Variants in TSHZ2 observed in about 807,000 individuals in gnomAD.
The protein encoded by TSHZ2 is teashirt zinc finger homeobox 2, also known as teashirt homolog 2.
TSHZ2 carries 21 observed loss-of-function variants against 74.4 expected under a neutral mutation model. That is an observed-to-expected ratio of 0.28 (90% confidence interval 0.20 to 0.41). The LOEUF (loss-of-function observed/expected upper bound fraction) is 0.41, where lower values mean the gene tolerates loss of function less well. Ranked by LOEUF, TSHZ2 falls within the 10% of genes least tolerant of loss-of-function variation. The probability of loss-of-function intolerance (pLI) is 1.00; values close to 1 mark genes in which losing one functional copy is unlikely to be tolerated. For synonymous variants in TSHZ2, 540 were observed against 515.3 expected, an observed-to-expected ratio of 1.05 and a Z score of -0.65; for missense variants, 1,244 against 1,293.5, an observed-to-expected ratio of 0.96 and a Z score of 0.59.
At chr20:53,470,819 A>G in intron 2 of TSHZ2, among the ~76,000 whole-genome samples, 1 of 144,798 alleles carries the variant, frequency 6.9e-6, no homozygotes, top group East Asian at 2.1e-4. Flanking sequence ...TCTCAAAAAA[A>G]ATAAATAAAT....
intron 1 of TSHZ2, among the ~76,000 whole-genome samples, chr20:53,103,376 A>C (rs189837002): frequency 6.6e-6 from 1 of 152,370 alleles, no homozygotes; most frequent in Admixed American, 6.5e-5. Context: ...TGGTATGTTT[A>C]AAGGAGAGTC....
At position 53,409,266 on chromosome 20, in the gene TSHZ2, G is replaced by GA. The variant is rs77521340; in HGVS notation, c.*9-77868dup. Among the ~76,000 whole-genome samples, 239 of 148,676 alleles carry GA rather than the reference G, an allele frequency of 1.6e-3. 1 individual carries two copies. The highest frequency in any genetic ancestry group is 5.2e-3 in the African/African-American group (212 of 40,662). ...TTTTTTTAATTCTAATCTTTCTTCAGAAAAAAAAAATTATCTTTCTAAACA... is the reference window on the plus strand; with the variant it reads ...TTTTTTTAATTCTAATCTTTCTTCAGAAAAAAAAAAATTATCTTTCTAAACA... On this transcript the variant is annotated intron_variant, in intron 2 of 2. Coordinates refer to ENST00000371497, the MANE Select transcript of TSHZ2 (RefSeq NM_173485.6).
chr20:53,416,045 G>A (rs1464512120), intron 2 of TSHZ2, among the ~76,000 whole-genome samples: 1 of 152,206 alleles, frequency 6.6e-6, no homozygotes, highest in African/African-American at 2.4e-5. Context: ...GGGGACTAAC[G>A]CAGTCAGCTC....
At position 53,041,511 on chromosome 20, in the gene TSHZ2, G is replaced by T. The variant is rs181630043; in HGVS notation, c.40+68178G>T. On this transcript the variant is annotated intron_variant, in intron 1 of 2. Transcript: ENST00000371497. Reference sequence around the variant, plus strand: ...AGCCCTGGAGCCAGCCTAGGAGTCAGCCCATGTGACCCTCCAGGACCAACG... The same window carrying T: ...AGCCCTGGAGCCAGCCTAGGAGTCATCCCATGTGACCCTCCAGGACCAACG... Among the ~76,000 whole-genome samples the T allele has an allele frequency of 2.6e-5, 4 of 152,298 alleles. No individual in the cohort carries two copies. In the East Asian group the frequency reaches 7.7e-4, roughly 29 times the overall value.
intron 2 of TSHZ2, among the ~76,000 whole-genome samples, chr20:53,326,093 T>C (rs1267925153): frequency 6.6e-6 from 1 of 152,196 alleles, no homozygotes; most frequent in East Asian, 1.9e-4. Flanking sequence ...AACCTTGGTA[T>C]CTTAAAGCAA....
Position 53,256,144 on chromosome 20 carries a change from A to G in TSHZ2, c.2686A>G (p.Ile896Val). The G allele has an allele frequency of 6.2e-7, 1 of 1,613,790 alleles. No homozygotes were observed. Among genetic ancestry groups the G allele is most frequent in the South Asian group, 1.1e-5 (1 of 91,038 alleles). ...SKFTGLSMTTISHWLANVKYQ... is the reference protein window; with the variant it reads ...SKFTGLSMTTVSHWLANVKYQ... The stretch of plus-strand genomic sequence containing the variant: ...GTTTACGGGACTCTCAATGACCACT[A>G]TCAGTCACTGGCTGGCCAACGTCAA... Residue 896 changes from isoleucine to valine, a missense_variant, in exon 2 of 3, where the codon ATC becomes GTC. Physicochemically the swap from Ile to Val is conservative, Grantham distance 29. Coordinates refer to ENST00000371497, the MANE Select transcript of TSHZ2 (RefSeq NM_173485.6). The surrounding 1 kb of genome is among the most constrained non-coding windows in gnomAD (Gnocchi z 4.3).
In TSHZ2 at chr20:53,295,207, T is replaced by C. The variant is rs572799884; in HGVS notation, c.*8+38636T>C. Among the ~76,000 whole-genome samples, 13 of 152,318 alleles carry C rather than the reference T, an allele frequency of 8.5e-5. No homozygotes were observed. In the South Asian group the frequency reaches 2.5e-3, roughly 29 times the overall value. On this transcript the variant is annotated intron_variant, in intron 2 of 2. Coordinates refer to ENST00000371497, the MANE Select transcript of TSHZ2 (RefSeq NM_173485.6). Reference sequence around the variant, plus strand: ...TTCCATTTGCAGGCAAAGCCAGACCTCCTGGTTGCAGGATAGCACAGTTAT... The same window carrying C: ...TTCCATTTGCAGGCAAAGCCAGACCCCCTGGTTGCAGGATAGCACAGTTAT...
intron 1 of TSHZ2, among the ~76,000 whole-genome samples, chr20:53,236,958 G>T (rs182135410): frequency 1.3e-5 from 2 of 152,150 alleles, no homozygotes; most frequent in East Asian, 3.9e-4. Flanking sequence ...TAACACGTAG[G>T]GCTTACAATT....
In TSHZ2 at chr20:53,401,768, C is replaced by T. The variant is rs1033432719; in HGVS notation, c.*9-85376C>T. On this transcript the variant is annotated intron_variant, in intron 2 of 2. Coordinates refer to ENST00000371497, the MANE Select transcript of TSHZ2 (RefSeq NM_173485.6). ...AGTATTCCATGGTATATATACAACA[C>T]ATTTTCTTTTTTTTTTTTTTTTTTT... is the stretch of plus-strand genomic sequence containing the variant. Among the ~76,000 whole-genome samples, 5 of 140,828 alleles carry T rather than the reference C, an allele frequency of 3.6e-5. No individual in the cohort carries two copies. In the South Asian group the frequency reaches 1.1e-3, roughly 32 times the overall value. 92.4% of individuals were successfully genotyped at this position (140,828 alleles called of 152,430 possible).
Position 53,164,510 on chromosome 20 carries a change from T to C in TSHZ2, c.41-88989T>C, listed in dbSNP as rs140845486. On this transcript the variant is annotated intron_variant, in intron 1 of 2. Coordinates refer to ENST00000371497, the MANE Select transcript of TSHZ2 (RefSeq NM_173485.6). ...ATTAACTAGAAGAAGTGCTGTCCAA[T>C]AGAACTTTCTGTGATGATGGAAATA... Among the ~76,000 whole-genome samples the C allele has an allele frequency of 3.5e-4, 54 of 152,292 alleles. No individual in the cohort carries two copies. In the East Asian group the frequency reaches 9.3e-3, roughly 26 times the overall value.
At chr20:53,461,224 T>C (rs1184251301) in intron 2 of TSHZ2, among the ~76,000 whole-genome samples, 2 of 152,214 alleles carry the variant, frequency 1.3e-5, no homozygotes, top group Non-Finnish European at 2.9e-5. Context: ...CCGAGCCAGG[T>C]GCGGGATATA....
At position 52,978,701 on chromosome 20, in the gene TSHZ2, A is replaced by T. The variant is rs184578493; in HGVS notation, c.40+5368A>T. On this transcript the variant is annotated intron_variant, in intron 1 of 2. Transcript: ENST00000371497. ...ACAATCAAACTGAACGACTTTTATT[A>T]AAAAAATCACAGTGGTATTAAAAGA... Among the ~76,000 whole-genome samples the T allele has an allele frequency of 3.2e-3, 490 of 152,164 alleles. 3 individuals carry two copies. The highest frequency in any genetic ancestry group is 2.4e-3 in the Non-Finnish European group (166 of 67,944).
At chr20:53,331,784 G>A (rs1015140765) in intron 2 of TSHZ2, among the ~76,000 whole-genome samples, 2 of 152,172 alleles carry the variant, frequency 1.3e-5, no homozygotes, top group Non-Finnish European at 2.9e-5. Context: ...GTCGGGGCAT[G>A]TGAGAGAACC....
chr20:53,166,276 C>T (rs766037715), intron 1 of TSHZ2, among the ~76,000 whole-genome samples: 44 of 152,062 alleles, frequency 2.9e-4, no homozygotes, highest in Non-Finnish European at 3.7e-4. Flanking sequence ...TCATTGAAAA[C>T]CAACTGGGTA....
rs574896891 is a variant in TSHZ2 at position 53,007,609 on chromosome 20, G to T, written c.40+34276G>T. Among the ~76,000 whole-genome samples the T allele has an allele frequency of 1.7e-3, 262 of 150,782 alleles. 1 individual carries two copies. The highest frequency in any genetic ancestry group is 6.9e-3 in the Middle Eastern group (2 of 290). On this transcript the variant is annotated intron_variant, in intron 1 of 2. Coordinates refer to ENST00000371497, the MANE Select transcript of TSHZ2 (RefSeq NM_173485.6). ...TCATCCAAGAAAGAAATGTGTGTTT[G>T]TGTGTGTGTGTGTGTGAGTATGTGT...
At chr20:53,106,395 T>G (rs1039380287) in intron 1 of TSHZ2, among the ~76,000 whole-genome samples, 2 of 42,732 alleles carry the variant, frequency 4.7e-5, no homozygotes, top group African/African-American at 2.9e-4. Context: ...CACTTTCTTT[T>G]TTTTTTTTTT....
Position 53,254,582 on chromosome 20 carries a change from G to T in TSHZ2, c.1124G>T (p.Cys375Phe). 1 of 1,612,498 alleles carries T rather than the reference G, an allele frequency of 6.2e-7. No individual in the cohort carries two copies. Among genetic ancestry groups the T allele is most frequent in the Non-Finnish European group, 8.5e-7 (1 of 1,178,604 alleles). ...AGCTACACCTGGCAGTTTGAGGCCT[G>T]CAAGTCCCAGATCTTAAAGTGCATG... ...GASYTWQFEACKSQILKCMEC... is the reference protein window; with the variant it reads ...GASYTWQFEAFKSQILKCMEC... The change falls in exon 2 of 3, where the codon TGC becomes TTC. Residue 375 changes from cysteine to phenylalanine, a missense_variant. Physicochemically the swap from Cys to Phe is radical, Grantham distance 205. Around this residue, in one of 6 missense-constraint regions of TSHZ2, gnomAD observed 470 missense variants for 456.5 expected, o/e 1.03. Transcript: ENST00000371497.
chr20:52,992,774 C>A (rs1041297537), intron 1 of TSHZ2, among the ~76,000 whole-genome samples: 1 of 152,134 alleles, frequency 6.6e-6, no homozygotes, highest in Non-Finnish European at 1.5e-5. Flanking sequence ...TAAGTTTTAT[C>A]ATCTTGTGAC....
At chr20:53,423,564 C>T (rs1286266181) in intron 2 of TSHZ2, among the ~76,000 whole-genome samples, 1 of 152,144 alleles carries the variant, frequency 6.6e-6, no homozygotes, top group Non-Finnish European at 1.5e-5. Flanking sequence ...CAGGGTAGGG[C>T]CTCAACAAAC....
Sources: gnomAD v4.1 joint callset for allele counts (sites outside exome capture counted in the v4.1 genomes callset) on GRCh38, gnomAD v4.1.1 for gene constraint, gnomAD v4.1.1 regional missense constraint, Gnocchi (gnomAD v3.1) non-coding constraint, MANE v1.5 for transcripts, NCBI Gene and HGNC (gene_info 2026-07-23, HGNC 2026-07-21) for gene names.